Variants in ST3GAL1 observed in about 807,000 individuals in gnomAD.
ST3GAL1 encodes ST3 beta-galactoside alpha-2,3-sialyltransferase 1.
A neutral mutation model predicts 34.1 loss-of-function variants in ST3GAL1; 16 were observed. That is an observed-to-expected ratio of 0.47 (90% CI 0.32 to 0.71). The LOEUF is 0.71. Ranked by LOEUF, ST3GAL1 falls within the 30% of genes least tolerant of loss-of-function variation. The pLI, the probability that ST3GAL1 is intolerant of heterozygous loss-of-function variation, is 0.04. For synonymous variants in ST3GAL1, 191 were observed against 184.7 expected, an observed-to-expected ratio of 1.03 and a Z score of -0.28; for missense variants, 353 against 447.4, an observed-to-expected ratio of 0.79 and a Z score of 1.90.
intron 3 of ST3GAL1, among the ~76,000 whole-genome samples, chr8:133,478,479 C>A (rs1302435058): frequency 6.6e-6 from 1 of 152,228 alleles, no homozygotes; most frequent in African/African-American, 2.4e-5. Flanking sequence ...CCTGCTCAAC[C>A]TGCAGCCCCA....
chr8:133,557,392 G>C (rs4236904), intron 1 of ST3GAL1, among the ~76,000 whole-genome samples: 44,864 of 151,978 alleles, frequency 0.3, 7,396 homozygotes, highest in East Asian at 0.68. Flanking sequence ...GGCACAGAAG[G>C]CATGTTCTCT....
chr8:133,471,945 A>G (rs1360737525), intron 5 of ST3GAL1, among the ~76,000 whole-genome samples: 1 of 151,830 alleles, frequency 6.6e-6, no homozygotes, highest in Non-Finnish European at 1.5e-5. Context: ...CGTATCACAA[A>G]ACGGTTTCCC....
intron 7 of ST3GAL1, among the ~76,000 whole-genome samples, chr8:133,463,984 T>A (rs1310824155): frequency 1.4e-5 from 1 of 70,502 alleles, no homozygotes; most frequent in Non-Finnish European, 2.7e-5. Context: ...CCGGTCTGCC[T>A]CCCTCACTCC....
chr8:133,491,929 G>A (rs1448122773), intron 3 of ST3GAL1, among the ~76,000 whole-genome samples: 1 of 152,192 alleles, frequency 6.6e-6, no homozygotes, highest in African/African-American at 2.4e-5. Flanking sequence ...AAAGGGCCCA[G>A]CAGTCAGGAA....
At chr8:133,487,055 T>G (rs1208140875) in intron 3 of ST3GAL1, among the ~76,000 whole-genome samples, 1 of 152,198 alleles carries the variant, frequency 6.6e-6, no homozygotes, top group Admixed American at 6.5e-5. Context: ...GCGATTCTCC[T>G]GCCTCAGCCT....
intron 2 of ST3GAL1, among the ~76,000 whole-genome samples, chr8:133,518,290 A>C (rs1008596597): frequency 6.6e-6 from 1 of 152,222 alleles, no homozygotes; most frequent in Admixed American, 6.5e-5. Context: ...CCAATCCCCC[A>C]GTCAGAACAA....
intron 1 of ST3GAL1, among the ~76,000 whole-genome samples, chr8:133,551,602 GAAAGAAA>G (rs1563739183): frequency 2.1e-3 from 320 of 150,538 alleles, no homozygotes; most frequent in African/African-American, 7.4e-3. Context: ...AAGAAAGAAA[GAAAGAAA>G]GAAAGAAAGA....
In ST3GAL1 at chr8:133,498,085, C is replaced by T. The variant is rs145873461; in HGVS notation, c.-374+1050G>A. Among the ~76,000 whole-genome samples the T allele has an allele frequency of 6.1e-3, 935 of 152,322 alleles. 19 individuals carry two copies. The highest frequency in any genetic ancestry group is 0.021 in the African/African-American group (875 of 41,568). ...AAGCCTTCCCTGGTCACCCTAAAAT[C>T]GCTGTCTCTGCCACTTGTTCTGTGG... On this transcript the variant is annotated intron_variant, in intron 3 of 9. Coordinates refer to ENST00000522652, the MANE Select transcript of ST3GAL1 (RefSeq NM_173344.3).
At chr8:133,540,786 T>TATATAGACATATATATAGAGAGAC (rs1818453678) in intron 2 of ST3GAL1, among the ~76,000 whole-genome samples, 3 of 139,736 alleles carry the variant, frequency 2.1e-5, no homozygotes, top group Non-Finnish European at 4.6e-5. Flanking sequence ...GAGACATATA[T>TATATAGACATATATATAGAGAGAC]ATATATAGAC....
chr8:133,472,441 A>G (rs1446809727), intron 5 of ST3GAL1, among the ~76,000 whole-genome samples: 1 of 152,196 alleles, frequency 6.6e-6, no homozygotes, highest in Non-Finnish European at 1.5e-5. Context: ...TGTGGGAGCT[A>G]CAATTCAAGA....
chr8:133,508,009 C>T lies in ST3GAL1; in HGVS notation c.-428-8820G>A, dbSNP rs1426409373. ...GCTGCCTCCCCTGGGAGGTGCCCAC[C>T]CTCTCACCCCCCACACCCTAGGCAG... On this transcript the variant is annotated intron_variant, in intron 2 of 9. Coordinates refer to ENST00000522652, the MANE Select transcript of ST3GAL1 (RefSeq NM_173344.3). The surrounding 1 kb of genome is among the most constrained non-coding windows in gnomAD (Gnocchi z 4.1). 6.6e-6 allele frequency among the ~76,000 whole-genome samples: 1 copy of T among 152,182 alleles called. No homozygotes were observed. The highest frequency in any genetic ancestry group is 1.5e-5 in the Non-Finnish European group (1 of 68,040).
intron 2 of ST3GAL1, among the ~76,000 whole-genome samples, chr8:133,544,715 C>T (rs1367064355): frequency 6.6e-6 from 1 of 152,168 alleles, no homozygotes; most frequent in African/African-American, 2.4e-5. Flanking sequence ...CTAATAAACC[C>T]CATGGCCCAA....
intron 5 of ST3GAL1, among the ~76,000 whole-genome samples, chr8:133,475,054 GGGT>G (rs1305477889): frequency 6.6e-6 from 1 of 152,198 alleles, no homozygotes; most frequent in African/African-American, 2.4e-5. Context: ...GCGCCTCTGT[GGGT>G]GAAATTGTTG....
chr8:133,477,176 T>G (rs540177258), intron 3 of ST3GAL1, among the ~76,000 whole-genome samples: 1 of 152,328 alleles, frequency 6.6e-6, no homozygotes, highest in South Asian at 2.1e-4. Flanking sequence ...TTTCTTCTTC[T>G]GCAAAGTGGG....
In ST3GAL1 at chr8:133,556,823, G is replaced by A. The variant is rs927324154; in HGVS notation, c.-581-10897C>T. On this transcript the variant is annotated intron_variant, in intron 1 of 9. Coordinates refer to ENST00000522652, the MANE Select transcript of ST3GAL1 (RefSeq NM_173344.3). The surrounding 1 kb of genome is among the most constrained non-coding windows in gnomAD (Gnocchi z 8.9). ...TTGAAATATGGTGTGGTGGAGGGGG[G>A]ACATTTTGTTCTTTTGGCCTCTTAG... is the stretch of plus-strand genomic sequence containing the variant. Among the ~76,000 whole-genome samples, 1 of 152,146 alleles carries A rather than the reference G, an allele frequency of 6.6e-6. No individual in the cohort carries two copies. Among genetic ancestry groups the A allele is most frequent in the African/African-American group, 2.4e-5 (1 of 41,428 alleles).
chr8:133,525,825 G>A (rs1308306628), intron 2 of ST3GAL1, among the ~76,000 whole-genome samples: 2 of 152,332 alleles, frequency 1.3e-5, no homozygotes, highest in Non-Finnish European at 2.9e-5. Flanking sequence ...GACACTGGGA[G>A]TGGTGAGATG....
chr8:133,547,381 C>T (rs1818701587), intron 1 of ST3GAL1, among the ~76,000 whole-genome samples: 1 of 152,108 alleles, frequency 6.6e-6, no homozygotes, highest in South Asian at 2.1e-4. Context: ...GCGATCCTCC[C>T]TCTAAGCCTC....
In ST3GAL1 at chr8:133,459,529, G is replaced by C. The variant is rs964097416; in HGVS notation, c.*235C>G. On this transcript the variant is annotated 3_prime_UTR_variant, in exon 10 of 10. Transcript: ENST00000522652. This position sits in a 1 kb window ranked among gnomAD's most constrained non-coding sequence, Gnocchi z 4.7. ...CTCCCCAGCTCTAGGGCAGCAGTGG[G>C]GGGACGTTGTCCCCACTCAAGACAG... 10 of 418,850 alleles carry C rather than the reference G, an allele frequency of 2.4e-5. No homozygotes were observed. Among genetic ancestry groups the C allele is most frequent in the African/African-American group, 1.2e-4 (6 of 48,808 alleles). 25.9% of individuals were successfully genotyped at this position (418,850 alleles called of 1,614,324 possible). A position where few individuals can be genotyped will look rare whatever the true frequency, so the allele number is the denominator to read the frequency against.
intron 2 of ST3GAL1, among the ~76,000 whole-genome samples, chr8:133,541,070 CAT>C (rs377685012): frequency 0.011 from 442 of 41,662 alleles, 45 homozygotes; most frequent in African/African-American, 0.044. Context: ...TATATATAGA[CAT>C]ATATATAGAC....
Sources: gnomAD v4.1 joint callset for allele counts (sites outside exome capture counted in the v4.1 genomes callset) on GRCh38, gnomAD v4.1.1 for gene constraint, Gnocchi (gnomAD v3.1) non-coding constraint, MANE v1.5 for transcripts, NCBI Gene and HGNC (gene_info 2026-07-23, HGNC 2026-07-21) for gene names.